Variants in IL7 observed in about 807,000 individuals in gnomAD.
The protein encoded by IL7 is interleukin 7.
IL7 carries 3 observed loss-of-function variants against 21.6 expected under a neutral mutation model. The ratio of observed to expected loss-of-function variants is 0.14; its 90% CI spans 0.06 to 0.36. IL7 has a LOEUF of 0.36. Among genes scored for constraint, IL7 ranks in the 10% least tolerant of loss-of-function variants. IL7 has a pLI of 1.00. For synonymous variants in IL7, 62 were observed against 68.1 expected, an observed-to-expected ratio of 0.91 and a Z score of 0.44; for missense variants, 175 against 200.2, an observed-to-expected ratio of 0.87 and a Z score of 0.76.
chr8:78,680,870 G>C (rs180689481), intron 4 of IL7, among the ~76,000 whole-genome samples: 1 of 152,134 alleles, frequency 6.6e-6, no homozygotes, highest in Non-Finnish European at 1.5e-5. Context: ...TTTAGTATAG[G>C]CAAGACAGAA....
At chr8:78,717,776 C>G (rs1166926131), downstream of IL7, 1 of 212,242 alleles carries the variant, frequency 4.7e-6, no homozygotes, top group South Asian at 1.3e-4. Flanking sequence ...TTAGGTGTTA[C>G]TTTTCTGTTG....
chr8:78,716,693 A>C (rs184866759), downstream of IL7, among the ~76,000 whole-genome samples: 363 of 152,182 alleles, frequency 2.4e-3, 2 homozygotes, highest in African/African-American at 8.1e-3. Context: ...AATTCCTAGC[A>C]CAAAGAACAG....
intron 5 of IL7, among the ~76,000 whole-genome samples, chr8:78,735,653 G>A (rs527953520): frequency 6.6e-6 from 1 of 151,986 alleles, no homozygotes; most frequent in East Asian, 1.9e-4. Flanking sequence ...AAGCCTTCAG[G>A]GTGATTATAT....
intron 3 of IL7, among the ~76,000 whole-genome samples, chr8:78,688,122 A>T (rs1320445278): frequency 6.6e-6 from 1 of 151,640 alleles, no homozygotes; most frequent in Non-Finnish European, 1.5e-5. Flanking sequence ...TAATTAACTT[A>T]TATGAATGAA....
intron 2 of IL7, among the ~76,000 whole-genome samples, chr8:78,768,580 T>C (rs1426584016): frequency 2.0e-5 from 3 of 151,228 alleles, no homozygotes; most frequent in African/African-American, 7.3e-5. Flanking sequence ...TTTTGAGAAG[T>C]GTCTGTTCAT....
At chr8:78,690,068 T>A (rs1367289790) in intron 3 of IL7, among the ~76,000 whole-genome samples, 1 of 152,246 alleles carries the variant, frequency 6.6e-6, no homozygotes, top group Non-Finnish European at 1.5e-5. Flanking sequence ...TTTCTTTCCC[T>A]GATGAATTGC....
intron 2 of IL7, among the ~76,000 whole-genome samples, chr8:78,771,648 A>G (rs1015133281): frequency 1.3e-5 from 2 of 152,154 alleles, no homozygotes; most frequent in Non-Finnish European, 2.9e-5. Context: ...TATACAGGCC[A>G]TTAAATAACT....
chr8:78,720,090 A>G (rs965228238), intron 5 of IL7, among the ~76,000 whole-genome samples: 1 of 151,850 alleles, frequency 6.6e-6, no homozygotes, highest in African/African-American at 2.4e-5. Context: ...ATACAGTTTA[A>G]TGGCAAAGTT....
chr8:78,779,008 G>A (rs1813226432), intron 2 of IL7, among the ~76,000 whole-genome samples: 1 of 152,088 alleles, frequency 6.6e-6, no homozygotes, highest in Non-Finnish European at 1.5e-5. Flanking sequence ...TTTAGCAATT[G>A]TAAATGGGAG....
chr8:78,747,483 C>T (rs969849354), intron 2 of IL7, among the ~76,000 whole-genome samples: 3 of 152,082 alleles, frequency 2.0e-5, no homozygotes, highest in Non-Finnish European at 4.4e-5. Flanking sequence ...GGCCTTGTGC[C>T]ATCTGAAGCC....
chr8:78,787,064 T>G (rs1813534363), intron 2 of IL7, among the ~76,000 whole-genome samples: 2 of 152,222 alleles, frequency 1.3e-5, no homozygotes. Context: ...TTCTCCCATA[T>G]CTTGCCCATG....
chr8:78,797,218 A>G (rs1367583980), intron 2 of IL7, among the ~76,000 whole-genome samples: 3 of 151,994 alleles, frequency 2.0e-5, no homozygotes, highest in Admixed American at 6.6e-5. Context: ...AACTACAGAG[A>G]CATAAACAAA....
chr8:78,755,924 CTT>C (rs1586073644), intron 2 of IL7, among the ~76,000 whole-genome samples: 1 of 151,918 alleles, frequency 6.6e-6, no homozygotes. Flanking sequence ...ATAAGAAAGA[CTT>C]TCAGTTTTTC....
At chr8:78,740,511 C>T (rs550117063) in intron 2 of IL7, among the ~76,000 whole-genome samples, 1 of 152,248 alleles carries the variant, frequency 6.6e-6, no homozygotes, top group South Asian at 2.1e-4. Flanking sequence ...TGAAGGGATC[C>T]ATACAAAGCT....
At chr8:78,747,219 T>A in intron 2 of IL7, 1 of 324,182 alleles carries the variant, frequency 3.1e-6, no homozygotes, top group Non-Finnish European at 5.5e-6. Context: ...TGAGATGGGG[T>A]CTGTTGCCCA....
chr8:78,737,697 AAAC>A (rs1456028011), intron 4 of IL7, among the ~76,000 whole-genome samples: 6 of 152,156 alleles, frequency 3.9e-5, no homozygotes, highest in East Asian at 3.8e-4. Context: ...TGCTCAAACA[AAAC>A]AAAATTCTTT....
intron 1 of IL7, among the ~76,000 whole-genome samples, chr8:78,804,131 C>A (rs1332989046): frequency 6.6e-6 from 1 of 152,116 alleles, no homozygotes; most frequent in Non-Finnish European, 1.5e-5. Flanking sequence ...CCGAATCCAA[C>A]CCTCCTGAAT....
intron 3 of IL7, chr8:78,689,147 A>G (rs1235917044): frequency 8.6e-7 from 1 of 1,156,730 alleles, no homozygotes; most frequent in East Asian, 2.8e-5. Context: ...GAATGACTGC[A>G]TAGAAACTTA....
chr8:78,701,122 G>T (rs772400896), intron 3 of IL7, among the ~76,000 whole-genome samples: 1 of 152,180 alleles, frequency 6.6e-6, no homozygotes, highest in Non-Finnish European at 1.5e-5. Flanking sequence ...CCCTATCCAT[G>T]AGCATGGAAT....
Sources: gnomAD v4.1 joint callset for allele counts (sites outside exome capture counted in the v4.1 genomes callset) on GRCh38, gnomAD v4.1.1 for gene constraint, MANE v1.5 for transcripts, NCBI Gene and HGNC (gene_info 2026-07-23, HGNC 2026-07-21) for gene names.